Variants in SP4 observed in about 807,000 individuals in gnomAD.
SP4 encodes the protein transcription factor Sp4.
SP4 carries 19 observed loss-of-function variants against 72.8 expected under a neutral mutation model. That is an observed-to-expected ratio of 0.26 (90% confidence interval 0.18 to 0.38). SP4 has a LOEUF of 0.38. SP4 is among the 10% of genes least tolerant of loss of function. The pLI is 1.00. For synonymous variants in SP4, 395 were observed against 333.1 expected, an observed-to-expected ratio of 1.19 and a Z score of -2.02; for missense variants, 1,008 against 926.3, an observed-to-expected ratio of 1.09 and a Z score of -1.14.
chr7:21,468,335 C>T (rs567465947), intron 3 of SP4, among the ~76,000 whole-genome samples: 151 of 152,176 alleles, frequency 9.9e-4, no homozygotes, highest in Middle Eastern at 6.8e-3. Context: ...GCATTCACTT[C>T]CTAGAATAAT....
chr7:21,434,387 CG>C lies in SP4; in HGVS notation c.1678+3545del, dbSNP rs373944736. On this transcript the variant is annotated intron_variant, in intron 3 of 5. Transcript: ENST00000222584. Reference sequence around the variant, plus strand: ...CTTGAAGCTGGGGAGCTTCATACTTCGTTTTATGAAATGAGAATGTTAGCAA... The same window carrying C: ...CTTGAAGCTGGGGAGCTTCATACTTCTTTTATGAAATGAGAATGTTAGCAA... Among the ~76,000 whole-genome samples, 158 of 152,232 alleles carry C rather than the reference CG, an allele frequency of 1.0e-3. 2 individuals are homozygous for C. The highest frequency in any genetic ancestry group is 3.6e-3 in the African/African-American group (150 of 41,530).
rs1030336347 is a variant in SP4 at position 21,482,233 on chromosome 7, C to T, written c.2107+110C>T. 58 of 792,318 alleles carry T rather than the reference C, an allele frequency of 7.3e-5. No homozygotes were observed. In the African/African-American group the frequency reaches 9.3e-4, roughly 13 times the overall value. 49.1% of individuals were successfully genotyped at this position (792,318 alleles called of 1,614,324 possible). A position where few individuals can be genotyped will look rare whatever the true frequency, so the allele number is the denominator to read the frequency against. On this transcript the variant is annotated intron_variant, in intron 5 of 5. Transcript: ENST00000222584. The stretch of plus-strand genomic sequence containing the variant: ...GGAAATATGCAAATGAAGGAGAAGG[C>T]ATTTACTTTAGCAATTATATGGAAG...
At chr7:21,468,846 T>C (rs1350919401) in intron 3 of SP4, among the ~76,000 whole-genome samples, 1 of 152,186 alleles carries the variant, frequency 6.6e-6, no homozygotes, top group African/African-American at 2.4e-5. Context: ...TCCAATTTTT[T>C]GTTTATTAAA....
rs554063577 is a variant in SP4 at position 21,454,883 on chromosome 7, G to A, written c.1679-22196G>A. Among the ~76,000 whole-genome samples, 16 of 152,336 alleles carry A rather than the reference G, an allele frequency of 1.1e-4. No homozygotes were observed. In the South Asian group the frequency reaches 1.9e-3, roughly 18 times the overall value. The stretch of plus-strand genomic sequence containing the variant: ...AAAGGGTGTGAATCTTTTCTTTTTA[G>A]GGAAGGGGTGCCATACGCCCCCATT... On this transcript the variant is annotated intron_variant, in intron 3 of 5. Transcript: ENST00000222584.
chr7:21,428,532 C>G, intron 1 of SP4, 145 bp from the exon 2 acceptor site: 1 of 947,332 alleles, frequency 1.1e-6, no homozygotes. Flanking sequence ...CTCCTTCTCC[C>G]CCACCCCCTG....
chr7:21,498,144 C>T (rs1781772034), intron 5 of SP4, among the ~76,000 whole-genome samples: 1 of 152,006 alleles, frequency 6.6e-6, no homozygotes, highest in Non-Finnish European at 1.5e-5. Flanking sequence ...ATTCCTCATC[C>T]TCAGATTCAG....
At chr7:21,456,091 C>T (rs1783756013) in intron 3 of SP4, among the ~76,000 whole-genome samples, 1 of 152,082 alleles carries the variant, frequency 6.6e-6, no homozygotes, top group African/African-American at 2.4e-5. Context: ...AAACAGCAGC[C>T]CTTGGATTTG....
At chr7:21,510,838 CT>C (rs1782122554) in intron 5 of SP4, among the ~76,000 whole-genome samples, 183 bp from the exon 6 acceptor site, 1 of 152,182 alleles carries the variant, frequency 6.6e-6, no homozygotes, top group Non-Finnish European at 1.5e-5. Flanking sequence ...GTCTTTTCGT[CT>C]CAATCACATG....
At chr7:21,482,739 C>T in intron 5 of SP4, 2 of 978,466 alleles carry the variant, frequency 2.0e-6, no homozygotes, top group Non-Finnish European at 2.4e-6. Flanking sequence ...AATGGATCTA[C>T]ATAAAAAATG....
chr7:21,472,180 T>C lies in SP4; in HGVS notation c.1679-4899T>C, dbSNP rs59877593. On this transcript the variant is annotated intron_variant, in intron 3 of 5. Transcript: ENST00000222584. ...AGCTTACACATAGCAGTAAAAGTTATGAAAGTAGATGAGGTCCCCCAAGAA... is the reference window on the plus strand; with the variant it reads ...AGCTTACACATAGCAGTAAAAGTTACGAAAGTAGATGAGGTCCCCCAAGAA... Among the ~76,000 whole-genome samples the C allele has an allele frequency of 3.9e-3, 601 of 152,284 alleles. 3 individuals are homozygous for C. The highest frequency in any genetic ancestry group is 0.013 in the African/African-American group (553 of 41,556).
intron 3 of SP4, among the ~76,000 whole-genome samples, chr7:21,445,473 A>T (rs1423462346): frequency 6.6e-6 from 1 of 152,118 alleles, no homozygotes; most frequent in East Asian, 1.9e-4. Flanking sequence ...CTGCAACTTT[A>T]TTGTTTTCTG....
At chr7:21,491,130 C>G (rs1316991470) in intron 5 of SP4, among the ~76,000 whole-genome samples, 4 of 152,056 alleles carry the variant, frequency 2.6e-5, no homozygotes, top group African/African-American at 9.7e-5. Flanking sequence ...TAAAGCAGCT[C>G]TTATAGCCAT....
At chr7:21,471,176 G>C (rs769080588) in intron 3 of SP4, 2 of 531,842 alleles carry the variant, frequency 3.8e-6, no homozygotes, top group Non-Finnish European at 7.7e-6. Flanking sequence ...CTAAGCAGGA[G>C]TTAGATCATG....
At chr7:21,461,018 G>T (rs1283470115) in intron 3 of SP4, among the ~76,000 whole-genome samples, 1 of 152,154 alleles carries the variant, frequency 6.6e-6, no homozygotes, top group Non-Finnish European at 1.5e-5. Flanking sequence ...GTGCTGATTG[G>T]TGTGTTTACA....
At chr7:21,504,116 A>G (rs1340367265) in intron 5 of SP4, among the ~76,000 whole-genome samples, 1 of 152,074 alleles carries the variant, frequency 6.6e-6, no homozygotes, top group East Asian at 1.9e-4. Flanking sequence ...TCGTCCAGGG[A>G]GGCTTGCTTA....
At chr7:21,462,663 A>G (rs1388910365) in intron 3 of SP4, among the ~76,000 whole-genome samples, 1 of 152,254 alleles carries the variant, frequency 6.6e-6, no homozygotes, top group Non-Finnish European at 1.5e-5. Flanking sequence ...ATGGCAGTGT[A>G]TGAAATTGAG....
chr7:21,486,184 T>A (rs1252947868), intron 5 of SP4, among the ~76,000 whole-genome samples: 1 of 151,844 alleles, frequency 6.6e-6, no homozygotes, highest in Admixed American at 6.5e-5. Context: ...TCTTGTTTTT[T>A]TTTTCTGTAG....
chr7:21,482,618 G>C, intron 5 of SP4: 2 of 981,048 alleles, frequency 2.0e-6, no homozygotes, highest in Non-Finnish European at 2.4e-6. Context: ...CAGCAAAGCA[G>C]TTATAAAGTG....
chr7:21,482,183 T>A, intron 5 of SP4, 60 bp downstream of exon 5: 1 of 1,345,520 alleles, frequency 7.4e-7, no homozygotes, highest in Non-Finnish European at 1.1e-6. Flanking sequence ...CATGAAAATT[T>A]TAGTGATAGT....
Sources: allele counts gnomAD v4.1 joint callset (sites outside exome capture counted in the v4.1 genomes callset), GRCh38; gene constraint gnomAD v4.1.1; transcripts MANE v1.5; gene names NCBI Gene and HGNC (gene_info 2026-07-23, HGNC 2026-07-21).